The following GLDC variants were observed in gnomAD, a reference collection of about 807,000 sequenced individuals.
GLDC encodes the protein glycine dehydrogenase (decarboxylating), mitochondrial.
A neutral mutation model predicts 121.3 loss-of-function variants in GLDC; 104 were observed. The ratio of observed to expected loss-of-function variants is 0.86; its 90% CI spans 0.73 to 1.01. The LOEUF (loss-of-function observed/expected upper bound fraction) is 1.01, where lower values mean the gene tolerates loss of function less well. Among genes scored for constraint, GLDC ranks in the 50% least tolerant of loss-of-function variants. GLDC has a pLI of 0.00. For synonymous variants in GLDC, 546 were observed against 480.6 expected (o/e 1.14, Z -1.78); for missense variants, 1,429 against 1,306.6 (o/e 1.09, Z -1.44).
chr9:6,582,775 G>A (rs969885403), intron 15 of GLDC, among the ~76,000 whole-genome samples: 27 of 151,348 alleles, frequency 1.8e-4, no homozygotes, highest in Non-Finnish European at 3.5e-4. Context: ...GTTGCAGTGA[G>A]CCGATATCGC....
intron 15 of GLDC, among the ~76,000 whole-genome samples, chr9:6,579,426 T>C (rs967247730): frequency 7.9e-5 from 12 of 152,182 alleles, no homozygotes; most frequent in Non-Finnish European, 1.5e-4. Flanking sequence ...CCTTAATCTG[T>C]ATATTTTGGG....
intron 15 of GLDC, among the ~76,000 whole-genome samples, chr9:6,573,736 G>T (rs1258112321): frequency 2.0e-5 from 3 of 152,036 alleles, no homozygotes; most frequent in Non-Finnish European, 4.4e-5. Flanking sequence ...AAACCGATAC[G>T]GTAAAAATGA....
intron 22 of GLDC, among the ~76,000 whole-genome samples, chr9:6,538,851 A>G (rs115032846): frequency 0.014 from 2,187 of 152,266 alleles, 61 homozygotes; most frequent in African/African-American, 0.051. Flanking sequence ...AAGGAGTTCT[A>G]CTGTCAGGTT....
chr9:6,599,180 G>A (rs1192724669), intron 8 of GLDC, among the ~76,000 whole-genome samples: 2 of 146,842 alleles, frequency 1.4e-5, no homozygotes, highest in African/African-American at 2.5e-5. Flanking sequence ...GAAAGACTCC[G>A]TCTCAAAAAA....
chr9:6,629,958 T>TATATATATATATGTATATA, intron 2 of GLDC, among the ~76,000 whole-genome samples: 4 of 78,656 alleles, frequency 5.1e-5, no homozygotes, highest in Non-Finnish European at 7.3e-5. Flanking sequence ...TATATATATA[T>TATATATATATATGTATATA]TTTTTTTTTT....
intron 22 of GLDC, among the ~76,000 whole-genome samples, chr9:6,537,852 A>G (rs115810295): frequency 0.01 from 1,543 of 152,158 alleles, 23 homozygotes; most frequent in African/African-American, 0.034. Flanking sequence ...CCCACCACCT[A>G]GATTCTACAA....
chr9:6,564,184 G>A (rs1260065884), intron 16 of GLDC, among the ~76,000 whole-genome samples: 1 of 151,418 alleles, frequency 6.6e-6, no homozygotes, highest in Non-Finnish European at 1.5e-5. Context: ...GGAGGCAGAG[G>A]TTGCAATGAG....
intron 24 of GLDC, among the ~76,000 whole-genome samples, chr9:6,533,905 A>C (rs1448644177): frequency 6.6e-6 from 1 of 151,648 alleles, no homozygotes; most frequent in Admixed American, 6.6e-5. Context: ...TAAAATAAAA[A>C]TTTGAACGAT....
chr9:6,532,894 C>T lies in GLDC; in HGVS notation c.*123G>A, dbSNP rs1437542056. 2 of 774,956 alleles carry T rather than the reference C, an allele frequency of 2.6e-6. No individual in the cohort carries two copies. Among genetic ancestry groups the T allele is most frequent in the Non-Finnish European group, 4.7e-6 (2 of 426,874 alleles). The allele number at this position is 774,956 out of a possible 1,614,324, so 48.0% of individuals were successfully genotyped here. A position where few individuals can be genotyped will look rare whatever the true frequency, so the allele number is the denominator to read the frequency against. Reference sequence around the variant, plus strand: ...TTTACATTTACCTTGACAGAGATTACAGAGATATACACAGTATATAAAACT... The same window carrying T: ...TTTACATTTACCTTGACAGAGATTATAGAGATATACACAGTATATAAAACT... On this transcript the variant is annotated 3_prime_UTR_variant, in exon 25 of 25. Transcript: ENST00000321612.
intron 16 of GLDC, among the ~76,000 whole-genome samples, chr9:6,559,415 T>G (rs1293890136): frequency 6.7e-6 from 1 of 148,260 alleles, no homozygotes; most frequent in East Asian, 2.0e-4. Context: ...CTCGAGAGGC[T>G]GAGGCAGGAG....
At chr9:6,613,081 A>T (rs1353956718) in intron 3 of GLDC, among the ~76,000 whole-genome samples, 2 of 152,154 alleles carry the variant, frequency 1.3e-5, no homozygotes, top group Non-Finnish European at 1.5e-5. Flanking sequence ...ATTAACACTA[A>T]ATTTTCTTTT....
intron 8 of GLDC, among the ~76,000 whole-genome samples, chr9:6,596,780 A>G (rs1030219754): frequency 1.2e-4 from 19 of 152,250 alleles, no homozygotes; most frequent in African/African-American, 4.3e-4. Flanking sequence ...GAATATTCAT[A>G]TGCTGCTGGT....
intron 2 of GLDC, among the ~76,000 whole-genome samples, chr9:6,627,802 A>G (rs752424237): frequency 6.6e-6 from 1 of 152,144 alleles, no homozygotes; most frequent in Non-Finnish European, 1.5e-5. Flanking sequence ...ACACCCACAT[A>G]TAATAAAAAG....
At chr9:6,628,247 T>C (rs1440600052) in intron 2 of GLDC, among the ~76,000 whole-genome samples, 1 of 152,106 alleles carries the variant, frequency 6.6e-6, no homozygotes, top group Non-Finnish European at 1.5e-5. Flanking sequence ...TCCTCCTGAG[T>C]AGTAAAAGAA....
At position 6,608,741 on chromosome 9, in the gene GLDC, G is replaced by A. The variant is rs535928506; in HGVS notation, c.635+1451C>T. On this transcript the variant is annotated intron_variant, in intron 4 of 24. Transcript: ENST00000321612. Reference sequence around the variant, plus strand: ...AGCCCGGGCGAAAGAGCGAGACTCCGTCTCAAATAAATAAATAAATTAATA... The same window carrying A: ...AGCCCGGGCGAAAGAGCGAGACTCCATCTCAAATAAATAAATAAATTAATA... Among the ~76,000 whole-genome samples the A allele has an allele frequency of 2.5e-3, 373 of 151,766 alleles. 4 individuals carry two copies. Among genetic ancestry groups the A allele is most frequent in the African/African-American group, 8.1e-3 (334 of 41,460 alleles).
chr9:6,542,279 C>G (rs887806238), intron 21 of GLDC: 1 of 152,266 alleles, frequency 6.6e-6, no homozygotes, highest in Non-Finnish European at 1.5e-5. Context: ...CGCTCCGTCA[C>G]TCAGGCTGGA....
chr9:6,605,765 A>T, intron 5 of GLDC: 1 of 230,434 alleles, frequency 4.3e-6, no homozygotes, highest in African/African-American at 2.3e-5. Context: ...CAACTTTTAC[A>T]AAGGGAAAGC....
intron 2 of GLDC, among the ~76,000 whole-genome samples, chr9:6,643,769 C>T (rs1009319845): frequency 6.6e-6 from 1 of 151,890 alleles, no homozygotes; most frequent in South Asian, 2.1e-4. Context: ...CACAGTGACT[C>T]GTGCCTGTAA....
rs1243790429 is a variant in GLDC at position 6,639,668 on chromosome 9, AGTATAT to A, written c.334+4940_334+4945del. 53 of 250,556 alleles carry A rather than the reference AGTATAT, an allele frequency of 2.1e-4. 5 individuals are homozygous for A. Among genetic ancestry groups the A allele is most frequent in the Middle Eastern group, 1.2e-3 (1 of 832 alleles). The allele number at this position is 250,556 out of a possible 1,614,324, so 15.5% of individuals were successfully genotyped here. Reference sequence around the variant, plus strand: ...ATATATCTTTTCACCATAAAAAAAAAGTATATATATATATATATATGGACAAAACAG... The same window carrying A: ...ATATATCTTTTCACCATAAAAAAAAAATATATATATATATGGACAAAACAG... On this transcript the variant is annotated intron_variant, in intron 2 of 24. Transcript: ENST00000321612.
Sources: gnomAD v4.1 joint callset for allele counts (sites outside exome capture counted in the v4.1 genomes callset) on GRCh38, gnomAD v4.1.1 for gene constraint, MANE v1.5 for transcripts, NCBI Gene and HGNC (gene_info 2026-07-23, HGNC 2026-07-21) for gene names.